The following WDR45B variants were observed in gnomAD, a reference collection of about 807,000 sequenced individuals.
The protein encoded by WDR45B is WD repeat domain phosphoinositide-interacting protein 3.
In WDR45B, 20 loss-of-function variants were observed where a neutral mutation model predicts 44.6. The observed-to-expected ratio is 0.45, with a 90% confidence interval of 0.32 to 0.65. The LOEUF is 0.65. Ranked by LOEUF, WDR45B falls within the 30% of genes least tolerant of loss-of-function variation. The pLI is 0.05. For synonymous variants in WDR45B, 169 were observed against 164.9 expected (o/e 1.02, Z -0.19); for missense variants, 323 against 430.2 (o/e 0.75, Z 2.20).
chr17:82,633,639 C>T (rs1598272692), intron 2 of WDR45B, among the ~76,000 whole-genome samples: 2 of 152,196 alleles, frequency 1.3e-5, no homozygotes. Flanking sequence ...CAAGTACTGG[C>T]CAAGATATGA....
intron 5 of WDR45B, among the ~76,000 whole-genome samples, chr17:82,624,928 T>C (rs1383875994): frequency 6.6e-6 from 1 of 152,204 alleles, no homozygotes; most frequent in African/African-American, 2.4e-5. Context: ...ACAAATGGTA[T>C]TCTTAAAACG....
At chr17:82,627,012 G>T in intron 4 of WDR45B, 192 bp downstream of exon 4, 1 of 635,630 alleles carries the variant, frequency 1.6e-6, no homozygotes, top group South Asian at 1.8e-5. Context: ...CGGAGCCCTG[G>T]AAACAAACAC....
In WDR45B at chr17:82,615,679, A is replaced by G. The variant is rs560440632; in HGVS notation, c.*240T>C. 1.5e-4 allele frequency: 82 copies of G among 548,110 alleles called. No individual in the cohort carries two copies. The highest frequency in any genetic ancestry group is 1.4e-3 in the African/African-American group (76 of 52,710). The allele number at this position is 548,110 out of a possible 1,614,324, so 34.0% of individuals were successfully genotyped here. On this transcript the variant is annotated 3_prime_UTR_variant, in exon 10 of 10. Transcript: ENST00000392325. ...CACAGCTGAACTCATGGGAACAGCC[A>G]GTGGCCGCCAGTCGAGCTGGTCACA...
intron 4 of WDR45B, among the ~76,000 whole-genome samples, chr17:82,626,328 G>C (rs1052301209): frequency 1.3e-5 from 2 of 151,198 alleles, no homozygotes; most frequent in Admixed American, 6.6e-5. Context: ...ATGAGGTCAA[G>C]GGATCAAGAC....
chr17:82,643,406 C>T (rs758183069), intron 2 of WDR45B, among the ~76,000 whole-genome samples: 4 of 151,802 alleles, frequency 2.6e-5, no homozygotes, highest in Non-Finnish European at 5.9e-5. Flanking sequence ...GCACTCCAGC[C>T]TGGGCGACAG....
intron 4 of WDR45B, 162 bp from the exon 5 acceptor site, chr17:82,625,645 G>A (rs542571925): frequency 4.1e-6 from 3 of 731,864 alleles, no homozygotes; most frequent in Non-Finnish European, 2.3e-6. Context: ...CCAGCGCCAG[G>A]CCTGGAGCTC....
intron 1 of WDR45B, among the ~76,000 whole-genome samples, chr17:82,646,091 A>T (rs1263971085): frequency 1.3e-5 from 2 of 151,814 alleles, no homozygotes; most frequent in African/African-American, 4.8e-5. Context: ...ACAGCACTCC[A>T]GCCTGGGCAA....
rs35988106 is a variant in WDR45B at position 82,625,591 on chromosome 17, C to T, written c.333-108G>A. The T allele has an allele frequency of 1.2e-4, 137 of 1,116,808 alleles. No homozygotes were observed. The African/African-American group carries it at 1.9e-3, about 16-fold the overall frequency. 69.2% of individuals were successfully genotyped at this position (1,116,808 alleles called of 1,614,324 possible). On this transcript the variant is annotated intron_variant, in intron 4 of 9. Coordinates refer to ENST00000392325, the MANE Select transcript of WDR45B (RefSeq NM_019613.4). Reference sequence around the variant, plus strand: ...ACTGAGAAACACTGAAAATACCACACAGAAAAGGAGTGTTCCTGAAGAAAA... The same window carrying T: ...ACTGAGAAACACTGAAAATACCACATAGAAAAGGAGTGTTCCTGAAGAAAA...
At chr17:82,645,836 G>T (rs2045968937) in intron 1 of WDR45B, among the ~76,000 whole-genome samples, 1 of 152,110 alleles carries the variant, frequency 6.6e-6, no homozygotes, top group African/African-American at 2.4e-5. Flanking sequence ...CATCAAGAAT[G>T]ATCTGGCCGG....
intron 2 of WDR45B, among the ~76,000 whole-genome samples, chr17:82,635,558 T>C (rs1273993778): frequency 6.6e-6 from 1 of 151,486 alleles, no homozygotes; most frequent in Admixed American, 6.6e-5. Context: ...CCCAAGTAGC[T>C]GGGATTACAG....
At chr17:82,640,412 G>A (rs141634416) in intron 2 of WDR45B, among the ~76,000 whole-genome samples, 8 of 150,816 alleles carry the variant, frequency 5.3e-5, no homozygotes, top group South Asian at 2.1e-4. Flanking sequence ...GTGCAGTGGC[G>A]AGATCTCGGC....
chr17:82,642,722 T>C (rs2045932960), intron 2 of WDR45B, among the ~76,000 whole-genome samples: 1 of 152,260 alleles, frequency 6.6e-6, no homozygotes, highest in Middle Eastern at 3.4e-3. Flanking sequence ...GCTTGGTGTG[T>C]GGGGAGAAAT....
chr17:82,628,512 G>C (rs2143304526), intron 3 of WDR45B, among the ~76,000 whole-genome samples: 1 of 152,246 alleles, frequency 6.6e-6, no homozygotes, highest in South Asian at 2.1e-4. Flanking sequence ...GCTGGGGTGT[G>C]AGATCGCTTG....
chr17:82,641,123 G>A (rs1004315401), intron 2 of WDR45B, among the ~76,000 whole-genome samples: 3 of 151,900 alleles, frequency 2.0e-5, no homozygotes, highest in Non-Finnish European at 4.4e-5. Context: ...GCGCCACCAC[G>A]CCTGGCTAAC....
At position 82,616,628 on chromosome 17, in the gene WDR45B, A is replaced by T. The variant is rs751829099; in HGVS notation, c.824T>A (p.Phe275Tyr). ...NKQSSLASAS[F>Y]LPKYFSSKWS... ...CTTGGAACTGAAGTATTTTGGAAGGAAACTGGCTGAGGCCAAACTGTGAAG... is the reference window on the plus strand; with the variant it reads ...CTTGGAACTGAAGTATTTTGGAAGGTAACTGGCTGAGGCCAAACTGTGAAG... The change falls in exon 9 of 10, where the codon TTC becomes TAC. Residue 275 changes from phenylalanine to tyrosine, a missense_variant. Coordinates refer to ENST00000392325, the MANE Select transcript of WDR45B (RefSeq NM_019613.4). The T allele has an allele frequency of 6.2e-6, 10 of 1,614,232 alleles. No homozygotes were observed. Among genetic ancestry groups the T allele is most frequent in the Non-Finnish European group, 8.5e-6 (10 of 1,180,042 alleles).
chr17:82,628,361 C>G (rs2143303666), intron 3 of WDR45B, among the ~76,000 whole-genome samples: 1 of 152,084 alleles, frequency 6.6e-6, no homozygotes, highest in East Asian at 1.9e-4. Context: ...ATTCTATTAG[C>G]ATAAATTAGC....
intron 3 of WDR45B, among the ~76,000 whole-genome samples, chr17:82,627,513 C>T (rs932900751): frequency 6.6e-6 from 1 of 152,246 alleles, no homozygotes; most frequent in African/African-American, 2.4e-5. Flanking sequence ...CCACTCAAAG[C>T]GTCTCCCCTT....
At chr17:82,639,177 A>AT (rs1269840937) in intron 2 of WDR45B, among the ~76,000 whole-genome samples, 2 of 151,936 alleles carry the variant, frequency 1.3e-5, no homozygotes, top group African/African-American at 4.9e-5. Flanking sequence ...CATCTATGCT[A>AT]TTCTCTACTT....
chr17:82,619,841 C>G (rs997244302), intron 6 of WDR45B, among the ~76,000 whole-genome samples: 1 of 152,324 alleles, frequency 6.6e-6, no homozygotes, highest in East Asian at 1.9e-4. Context: ...GCAGGAGCAG[C>G]CTCACGGGGT....
Sources: allele counts gnomAD v4.1 joint callset (sites outside exome capture counted in the v4.1 genomes callset), GRCh38; gene constraint gnomAD v4.1.1; transcripts MANE v1.5; gene names NCBI Gene and HGNC (gene_info 2026-07-23, HGNC 2026-07-21).